Variants in CERT1 observed in about 807,000 individuals in gnomAD.
CERT1 encodes the protein ceramide transfer protein.
Under a neutral mutation model 87.9 loss-of-function variants are expected in CERT1, and 31 were observed. The ratio of observed to expected loss-of-function variants is 0.35; its 90% confidence interval spans 0.27 to 0.48. The LOEUF (loss-of-function observed/expected upper bound fraction) is 0.48, where lower values mean the gene tolerates loss of function less well. CERT1 is among the 20% of genes least tolerant of loss of function. The pLI, the probability that CERT1 is intolerant of heterozygous loss-of-function variation, is 0.99. For missense variants in CERT1, 487 were observed against 758.0 expected, an observed-to-expected ratio of 0.64 and a Z score of 4.20; for synonymous variants, 289 against 250.9, an observed-to-expected ratio of 1.15 and a Z score of -1.44.
chr5:75,452,696 A>G (rs926423706), intron 3 of CERT1, among the ~76,000 whole-genome samples: 1 of 152,202 alleles, frequency 6.6e-6, no homozygotes, highest in Non-Finnish European at 1.5e-5. Context: ...CCTCTTTACT[A>G]GAAAAATGTT....
intron 2 of CERT1, among the ~76,000 whole-genome samples, chr5:75,501,407 G>C (rs181424446): frequency 1.0e-3 from 154 of 152,168 alleles, no homozygotes; most frequent in African/African-American, 3.4e-3. Flanking sequence ...TACTCATCTG[G>C]TGATTTTAAA....
intron 2 of CERT1, among the ~76,000 whole-genome samples, chr5:75,493,978 T>C (rs1766934191): frequency 6.6e-6 from 1 of 152,182 alleles, no homozygotes; most frequent in Admixed American, 6.5e-5. Context: ...CTTCCTTTTT[T>C]ATAGTATACT....
intron 3 of CERT1, among the ~76,000 whole-genome samples, chr5:75,451,239 TTA>T (rs1462723529): frequency 6.6e-6 from 1 of 152,198 alleles, no homozygotes; most frequent in East Asian, 1.9e-4. Context: ...TTAACTCCCA[TTA>T]TTAGGAACCA....
chr5:75,392,335 G>A (rs966874247), intron 11 of CERT1, among the ~76,000 whole-genome samples: 1 of 152,186 alleles, frequency 6.6e-6, no homozygotes. Context: ...TGGAAAACCG[G>A]TTTTCAAAAG....
At chr5:75,505,910 A>G (rs1767629525) in intron 2 of CERT1, 72 bp downstream of exon 2, 2 of 1,186,786 alleles carry the variant, frequency 1.7e-6, no homozygotes, top group Admixed American at 1.8e-5. Context: ...TATCCTGAAC[A>G]CGTAGAACAG....
chr5:75,409,759 C>T (rs1171321292), intron 8 of CERT1, among the ~76,000 whole-genome samples: 1 of 151,560 alleles, frequency 6.6e-6, no homozygotes, highest in Non-Finnish European at 1.5e-5. Flanking sequence ...GAGCTCTTGA[C>T]CTTGTGATCC....
intron 2 of CERT1, among the ~76,000 whole-genome samples, chr5:75,478,909 T>TAAAAAAAAAAAAA (rs11438163): frequency 2.3e-4 from 5 of 21,768 alleles, no homozygotes; most frequent in African/African-American, 4.1e-4. Flanking sequence ...AAGTAAGTAC[T>TAAAAAAAAAAAAA]AAAAAAAAAA....
At chr5:75,393,783 G>T (rs772605816) in intron 11 of CERT1, among the ~76,000 whole-genome samples, 1 of 150,754 alleles carries the variant, frequency 6.6e-6, no homozygotes, top group African/African-American at 2.4e-5. Flanking sequence ...GGCTAACACG[G>T]TGAACTCCCC....
chr5:75,442,955 A>C (rs1265652783), intron 3 of CERT1, among the ~76,000 whole-genome samples: 5 of 152,200 alleles, frequency 3.3e-5, no homozygotes, highest in Non-Finnish European at 7.4e-5. Flanking sequence ...TGCATAGGAA[A>C]AAAATTTATA....
intron 3 of CERT1, among the ~76,000 whole-genome samples, chr5:75,452,931 T>G (rs989036253): frequency 1.3e-5 from 2 of 152,188 alleles, no homozygotes; most frequent in African/African-American, 4.8e-5. Context: ...ACAATATTTC[T>G]AAATAAAATT....
chr5:75,410,539 G>A (rs1700855713), intron 8 of CERT1, among the ~76,000 whole-genome samples: 1 of 151,756 alleles, frequency 6.6e-6, no homozygotes, highest in South Asian at 2.1e-4. Context: ...GAACCCGGGA[G>A]GCGGAGCTTG....
intron 11 of CERT1, among the ~76,000 whole-genome samples, chr5:75,390,848 G>C (rs1397292698): frequency 6.6e-6 from 1 of 152,176 alleles, no homozygotes; most frequent in Non-Finnish European, 1.5e-5. Context: ...TTGTCACCCA[G>C]GTTGGAGTGC....
intron 2 of CERT1, among the ~76,000 whole-genome samples, chr5:75,499,000 A>T (rs1049194713): frequency 1.3e-5 from 2 of 152,242 alleles, no homozygotes; most frequent in Non-Finnish European, 2.9e-5. Flanking sequence ...CTCTTGCATA[A>T]GAGTGACCTG....
In CERT1 at chr5:75,505,870, G is replaced by C. The variant is rs899509623; in HGVS notation, c.231+112C>G. 4.1e-5 allele frequency: 31 copies of C among 760,224 alleles called. No individual in the cohort carries two copies. In the South Asian group the frequency reaches 6.0e-4, roughly 15 times the overall value. 47.1% of individuals were successfully genotyped at this position (760,224 alleles called of 1,614,324 possible). A position where few individuals can be genotyped will look rare whatever the true frequency, so the allele number is the denominator to read the frequency against. ...AAGTATTAGAATGTATATTCTACAA[G>C]GACAAGGATCTTTATCTTATCCACG... On this transcript the variant is annotated intron_variant, in intron 2 of 16. Coordinates refer to ENST00000643780, the MANE Select transcript of CERT1 (RefSeq NM_001379029.1).
At chr5:75,459,945 G>C (rs1207919094) in intron 2 of CERT1, among the ~76,000 whole-genome samples, 2 of 128,956 alleles carry the variant, frequency 1.6e-5, no homozygotes, top group Non-Finnish European at 3.1e-5. Flanking sequence ...CTGGGTGACA[G>C]AGTGAGTCCT....
At chr5:75,497,895 T>C (rs1767149891) in intron 2 of CERT1, among the ~76,000 whole-genome samples, 1 of 152,084 alleles carries the variant, frequency 6.6e-6, no homozygotes, top group South Asian at 2.1e-4. Context: ...CTGGAACAGT[T>C]TGGAGGTTCA....
intron 2 of CERT1, among the ~76,000 whole-genome samples, chr5:75,469,356 A>T (rs904063899): frequency 2.0e-5 from 3 of 152,134 alleles, no homozygotes; most frequent in African/African-American, 7.2e-5. Context: ...ATTAGAGTTC[A>T]AGAGGGAGTA....
intron 8 of CERT1, among the ~76,000 whole-genome samples, chr5:75,405,058 A>G (rs372278375): frequency 6.6e-6 from 1 of 152,150 alleles, no homozygotes; most frequent in African/African-American, 2.4e-5. Flanking sequence ...CTATTTTGCC[A>G]AATGAAATGG....
At chr5:75,418,008 T>G (rs1283114832) in intron 6 of CERT1, among the ~76,000 whole-genome samples, 1 of 152,110 alleles carries the variant, frequency 6.6e-6, no homozygotes, top group African/African-American at 2.4e-5. Flanking sequence ...AATACAAAAT[T>G]AGCTGGGTGT....
Sources: gnomAD v4.1 joint callset for allele counts (sites outside exome capture counted in the v4.1 genomes callset) on GRCh38, gnomAD v4.1.1 for gene constraint, MANE v1.5 for transcripts, NCBI Gene and HGNC (gene_info 2026-07-23, HGNC 2026-07-21) for gene names.